Variants in RIMS4 observed in about 807,000 individuals in gnomAD.
RIMS4 encodes the protein regulating synaptic membrane exocytosis protein 4.
A neutral mutation model predicts 29.0 loss-of-function variants in RIMS4; 9 were observed. That is an observed-to-expected ratio of 0.31 (90% CI 0.19 to 0.54). The LOEUF (loss-of-function observed/expected upper bound fraction) is 0.54, where lower values mean the gene tolerates loss of function less well. RIMS4 is among the 20% of genes least tolerant of loss of function. The pLI is 0.94. For missense variants in RIMS4, 193 were observed against 365.7 expected (o/e 0.53, Z 3.85); for synonymous variants, 130 against 152.9 (o/e 0.85, Z 1.10).
intron 2 of RIMS4, among the ~76,000 whole-genome samples, 193 bp downstream of exon 2, chr20:44,771,082 G>A (rs1032038387): frequency 1.3e-5 from 2 of 152,208 alleles, no homozygotes; most frequent in Non-Finnish European, 2.9e-5. Context: ...TCCAAGCAGC[G>A]GGGCTCGCTC....
intron 1 of RIMS4, among the ~76,000 whole-genome samples, chr20:44,781,332 A>G (rs1411209418): frequency 6.6e-6 from 1 of 152,224 alleles, no homozygotes; most frequent in Non-Finnish European, 1.5e-5. Flanking sequence ...AAGGGCAGAG[A>G]TATACACAGA....
intron 1 of RIMS4, among the ~76,000 whole-genome samples, chr20:44,806,395 C>T (rs182357380): frequency 6.3e-4 from 96 of 152,292 alleles, no homozygotes; most frequent in African/African-American, 2.2e-3. Flanking sequence ...ATGAAGTGGT[C>T]AGGAAGAGCA....
At chr20:44,799,250 C>T (rs905003039) in intron 1 of RIMS4, among the ~76,000 whole-genome samples, 3 of 152,114 alleles carry the variant, frequency 2.0e-5, no homozygotes, top group Admixed American at 1.3e-4. Context: ...TTACAGTGAC[C>T]TGAGATCATG....
intron 1 of RIMS4, among the ~76,000 whole-genome samples, chr20:44,789,598 C>A (rs186741959): frequency 2.0e-5 from 3 of 152,188 alleles, no homozygotes; most frequent in Non-Finnish European, 2.9e-5. Flanking sequence ...TTGCTGTTGT[C>A]CAGGTTGGAG....
chr20:44,777,107 A>T (rs527554372), intron 1 of RIMS4, among the ~76,000 whole-genome samples: 2 of 152,272 alleles, frequency 1.3e-5, no homozygotes, highest in South Asian at 4.1e-4. Context: ...ATTCCATGGC[A>T]CCTTGAAACA....
At position 44,756,238 on chromosome 20, in the gene RIMS4, A is replaced by C. The variant is rs2066059377; in HGVS notation, c.706T>G (p.Phe236Val). ...GGGTCCACCATGGAGGAGGTGGGGA[A>C]GAGCTTGTACCAGCCCACGGCCAGG... ...TTLAVGWYKL[F>V]PTSSMVDPAT... The change falls in exon 6 of 6, where the codon TTC (phenylalanine) becomes GTC (valine). Residue 236 changes from phenylalanine (F) to valine (V), a missense_variant. Physicochemically the swap from Phe to Val is conservative, Grantham distance 50. Transcript: ENST00000372851. The surrounding 1 kb of genome is among the most constrained non-coding windows in gnomAD (Gnocchi z 5.9). 6.2e-7 allele frequency: 1 copy of C among 1,613,800 alleles called. No homozygotes were observed. The highest frequency in any genetic ancestry group is 1.1e-5 in the South Asian group (1 of 91,074).
At chr20:44,770,701 G>A (rs2145453448) in intron 2 of RIMS4, among the ~76,000 whole-genome samples, 1 of 152,280 alleles carries the variant, frequency 6.6e-6, no homozygotes, top group Non-Finnish European at 1.5e-5. Flanking sequence ...ACGCTGGCAA[G>A]GAGCCAGCCA....
rs116109203 is a variant in RIMS4, at chr20:44,802,727, G to A, written c.97+7448C>T. 6.0e-3 allele frequency among the ~76,000 whole-genome samples: 919 copies of A among 152,298 alleles called. 6 individuals are homozygous for A. The highest frequency in any genetic ancestry group is 0.02 in the African/African-American group (849 of 41,538). ...GCCTCTCTCTAACTTCACCCAGCTG[G>A]GGGCCTTTTCTTTTCCTTCTTCGGA... On this transcript the variant is annotated intron_variant, in intron 1 of 5. Transcript: ENST00000372851.
chr20:44,798,187 C>A (rs2066262826), intron 1 of RIMS4, among the ~76,000 whole-genome samples: 1 of 152,186 alleles, frequency 6.6e-6, no homozygotes. Flanking sequence ...AAAGTCAGGA[C>A]AGGCACCCTC....
chr20:44,768,054 G>A (rs558033075), intron 2 of RIMS4, among the ~76,000 whole-genome samples: 9 of 152,278 alleles, frequency 5.9e-5, no homozygotes, highest in South Asian at 2.1e-4. Flanking sequence ...TACATAACCC[G>A]GGACTCAAGG....
intron 1 of RIMS4, 21 bp downstream of exon 1, chr20:44,810,154 G>C (rs2145485357): frequency 6.5e-7 from 1 of 1,536,832 alleles, no homozygotes; most frequent in Non-Finnish European, 8.9e-7. Flanking sequence ...CGGGGGTCTG[G>C]GGGGCGGGCC....
At position 44,756,281 on chromosome 20, in the gene RIMS4, C is replaced by T; in HGVS notation, c.663G>A (p.Glu221=). ...CGGCCAGGGTGGTCAAGTCCAGCTCCTCCAGCAGCACGCGAGCCACACCCA... is the reference window on the plus strand; with the variant it reads ...CGGCCAGGGTGGTCAAGTCCAGCTCTTCCAGCAGCACGCGAGCCACACCCA... ...QFMGVARVLL[E]ELDLTTLAVG... Residue 221 remains glutamate, a synonymous_variant, in exon 6 of 6, where the codon GAG becomes GAA. Transcript: ENST00000372851. This position sits in a 1 kb window ranked among gnomAD's most constrained non-coding sequence, Gnocchi z 5.9. 6.2e-7 allele frequency: 1 copy of T among 1,613,974 alleles called. No individual in the cohort carries two copies. Among genetic ancestry groups the T allele is most frequent in the Non-Finnish European group, 8.5e-7 (1 of 1,180,000 alleles).
At chr20:44,777,205 C>T (rs1315122768) in intron 1 of RIMS4, among the ~76,000 whole-genome samples, 1 of 152,198 alleles carries the variant, frequency 6.6e-6, no homozygotes, top group Non-Finnish European at 1.5e-5. Flanking sequence ...ATAGCGCCCA[C>T]ACTGCCCATC....
intron 3 of RIMS4, 114 bp from the exon 4 acceptor site, chr20:44,757,885 A>G (rs2066067599): frequency 9.4e-7 from 1 of 1,064,286 alleles, no homozygotes; most frequent in Admixed American, 1.9e-5. Context: ...CCAGCCCAGA[A>G]TAAGACCAGA....
At chr20:44,792,288 T>C (rs947942771) in intron 1 of RIMS4, among the ~76,000 whole-genome samples, 8 of 151,910 alleles carry the variant, frequency 5.3e-5, no homozygotes, top group Non-Finnish European at 1.0e-4. Context: ...TTGAATTTAT[T>C]ATTATAATTT....
chr20:44,757,583 A>T (rs1406819059), intron 4 of RIMS4, 87 bp downstream of exon 4: 1 of 1,109,588 alleles, frequency 9.0e-7, no homozygotes, highest in Non-Finnish European at 1.4e-6. Context: ...GTTGGGCCCA[A>T]TTTTCTCTCT....
chr20:44,772,069 G>A (rs2066139867), intron 1 of RIMS4, among the ~76,000 whole-genome samples: 1 of 152,112 alleles, frequency 6.6e-6, no homozygotes, highest in South Asian at 2.1e-4. Flanking sequence ...GAGACTTAAG[G>A]CAAATTACTC....
intron 1 of RIMS4, among the ~76,000 whole-genome samples, chr20:44,774,224 G>A (rs1293150478): frequency 6.6e-6 from 1 of 152,078 alleles, no homozygotes; most frequent in East Asian, 1.9e-4. Context: ...GCTGAGATGT[G>A]TTCCCTTTGT....
chr20:44,753,471 A>G lies in RIMS4; in HGVS notation c.*2663T>C, dbSNP rs1980577. ...AGGAGAGTGGAGATGGCTCCTTCCC[A>G]TGGTATCCTGCATGTGATCTTGGCC... On this transcript the variant is annotated 3_prime_UTR_variant, in exon 6 of 6. Transcript: ENST00000372851. The G allele has an allele frequency of 0.58, 88,800 of 152,052 alleles. 26,849 individuals carry two copies. Among genetic ancestry groups the G allele is most frequent in the African/African-American group, 0.75 (31,280 of 41,442 alleles). 9.4% of individuals were successfully genotyped at this position (152,052 alleles called of 1,614,324 possible).
Sources: allele counts gnomAD v4.1 joint callset (sites outside exome capture counted in the v4.1 genomes callset), GRCh38; gene constraint gnomAD v4.1.1; non-coding constraint Gnocchi (gnomAD v3.1); transcripts MANE v1.5; gene names NCBI Gene and HGNC (gene_info 2026-07-23, HGNC 2026-07-21).